Variants in FBXL18 observed in about 807,000 individuals in gnomAD.
FBXL18 encodes F-box and leucine rich repeat protein 18.
A neutral mutation model predicts 46.0 loss-of-function variants in FBXL18; 36 were observed. The observed-to-expected ratio is 0.78, with a 90% CI of 0.60 to 1.03. FBXL18 has a LOEUF of 1.03. FBXL18 is among the 50% of genes least tolerant of loss of function. The pLI is 0.00. For missense variants in FBXL18, 977 were observed against 1,004.1 expected, an observed-to-expected ratio of 0.97 and a Z score of 0.36; for synonymous variants, 557 against 465.3, an observed-to-expected ratio of 1.20 and a Z score of -2.54.
chr7:5,500,960 CG>C lies in FBXL18; in HGVS notation c.1308del (p.Ala437ProfsTer43). ...GGCACTGCGTGCATGGCCGGCTGGG[CG>C]GGCGCGCGGTCGGCGCGCGGCGCGG... ...ADSAPRADRA[P>X]AQPAMHAVPR... is the part of the protein sequence containing the mutation. On this transcript the variant is annotated frameshift_variant, in exon 3 of 5. Transcript: ENST00000382368. LOFTEE classifies it high-confidence loss of function. 1 of 1,533,342 alleles carries C rather than the reference CG, an allele frequency of 6.5e-7. No homozygotes were observed. The highest frequency in any genetic ancestry group is 2.3e-5 in the East Asian group (1 of 43,688). The allele number at this position is 1,533,342 out of a possible 1,614,324, so 95.0% of individuals were successfully genotyped here.
At position 5,505,505 on chromosome 7, in the gene FBXL18, C is replaced by G; in HGVS notation, c.144G>C (p.Leu48=). Reference sequence around the variant, plus strand: ...GACAGGTACGCCGGACGTTCAGAATCAGATCTGTGCTGGGGACGTGACTCA... The same window carrying G: ...GACAGGTACGCCGGACGTTCAGAATGAGATCTGTGCTGGGGACGTGACTCA... ...HILSHVPSTD[L]ILNVRRTCRK... Residue 48 remains leucine, a synonymous_variant, in exon 2 of 5, where the codon CTG becomes CTC. Transcript: ENST00000382368. 1 of 1,614,178 alleles carries G rather than the reference C, an allele frequency of 6.2e-7. No individual in the cohort carries two copies. The highest frequency in any genetic ancestry group is 8.5e-7 in the Non-Finnish European group (1 of 1,180,046).
rs6463483 is a variant in FBXL18 at position 5,491,212 on chromosome 7, C to T, written c.2000+19G>A. 8,756 of 1,597,832 alleles carry T rather than the reference C, an allele frequency of 5.5e-3. 450 individuals carry two copies. In the African/African-American group the frequency reaches 0.1, roughly 19 times the overall value. ...GATTTCTGCGGCCCCTGAAGCTGTA[C>T]GCAACCCACATCACTCACCTGCGGA... On this transcript the variant is annotated intron_variant, in intron 4 of 4. Transcript: ENST00000382368.
intron 4 of FBXL18, 51 bp from the exon 5 acceptor site, chr7:5,481,982 G>A (rs1783659894): frequency 6.5e-7 from 1 of 1,547,948 alleles, no homozygotes; most frequent in Non-Finnish European, 8.7e-7. Flanking sequence ...CACGGAGGGG[G>A]CGGAGCCTGC....
chr7:5,496,109 C>T lies in FBXL18; in HGVS notation c.1781+4379G>A, dbSNP rs574952800. Among the ~76,000 whole-genome samples, 32 of 152,304 alleles carry T rather than the reference C, an allele frequency of 2.1e-4. No individual in the cohort carries two copies. Among genetic ancestry groups the T allele is most frequent in the Middle Eastern group, 6.8e-3 (2 of 294 alleles). On this transcript the variant is annotated intron_variant, in intron 3 of 4. Transcript: ENST00000382368. The surrounding 1 kb of genome is among the most constrained non-coding windows in gnomAD (Gnocchi z 4.8). ...GGGGACCATGAAATCACGCTGACCT[C>T]GGGAGGCCGGAGACAAGCAGCCATG...
At chr7:5,485,716 T>C (rs1196228877) in intron 4 of FBXL18, among the ~76,000 whole-genome samples, 1 of 152,064 alleles carries the variant, frequency 6.6e-6, no homozygotes, top group Non-Finnish European at 1.5e-5. Context: ...GAGACCAGCC[T>C]GACCAACATG....
rs1236472261 is a variant in FBXL18, at chr7:5,477,716, A to AG, written c.*4058_*4059insC. On this transcript the variant is annotated 3_prime_UTR_variant, in exon 5 of 5. Coordinates refer to ENST00000382368, the MANE Select transcript of FBXL18 (RefSeq NM_024963.6). The surrounding 1 kb of genome is among the most constrained non-coding windows in gnomAD (Gnocchi z 4.4). ...GCAAGACTCCCTCTCAAAAAAAAAA[A>AG]AAAGGCTCTGTAATTTTCAGATCCT... 1 of 152,238 alleles carries AG rather than the reference A, an allele frequency of 6.6e-6. No individual in the cohort carries two copies. The highest frequency in any genetic ancestry group is 1.5e-5 in the Non-Finnish European group (1 of 68,074). 9.4% of individuals were successfully genotyped at this position (152,238 alleles called of 1,614,324 possible). A position where few individuals can be genotyped will look rare whatever the true frequency, so the allele number is the denominator to read the frequency against.
chr7:5,489,975 A>G, intron 4 of FBXL18: 1 of 1,280,648 alleles, frequency 7.8e-7, no homozygotes, highest in Non-Finnish European at 1.0e-6. Context: ...AGATTGATGC[A>G]TAGTCTAAAT....
At chr7:5,468,479 G>T (rs1370625045) in intron 4 of FBXL18, among the ~76,000 whole-genome samples, 2 of 152,188 alleles carry the variant, frequency 1.3e-5, no homozygotes, top group South Asian at 2.1e-4. Flanking sequence ...AAATATTAAC[G>T]GATGCACTGC....
rs1223935647 is a variant in FBXL18 at position 5,501,099 on chromosome 7, G to C, written c.1170C>G (p.Leu390=). Residue 390 remains leucine (L), a synonymous_variant, in exon 3 of 5, where the codon CTC becomes CTG. Coordinates refer to ENST00000382368, the MANE Select transcript of FBXL18 (RefSeq NM_024963.6). ...CCGAGCTGTGGTGGTGGGCGGCCGA[G>C]AGGTTCAGGTGGCGCAGGTTGCAGC... ...ASCCNLRHLN[L]SAAHHHSSEG... is the part of the protein sequence containing the mutation. 6.2e-7 allele frequency: 1 copy of C among 1,612,738 alleles called. No individual in the cohort carries two copies. The highest frequency in any genetic ancestry group is 1.7e-5 in the Admixed American group (1 of 60,010).
chr7:5,465,272 C>T (rs1783325696), intron 4 of FBXL18, among the ~76,000 whole-genome samples: 1 of 151,978 alleles, frequency 6.6e-6, no homozygotes, highest in Admixed American at 6.6e-5. Context: ...ATGATCTCAG[C>T]TTACTGCAAC....
In FBXL18 at chr7:5,501,880, T is replaced by C. The variant is rs754131099; in HGVS notation, c.389A>G (p.His130Arg). The C allele has an allele frequency of 2.5e-6, 4 of 1,602,586 alleles. No homozygotes were observed. Among genetic ancestry groups the C allele is most frequent in the Non-Finnish European group, 8.5e-7 (1 of 1,175,814 alleles). ...SLVKVNLSGC[H>R]LTSLRLSKML... ...CTTGGAGAGGCGCAGGGAAGTGAGG[T>C]GGCAGCCCGAGAGGTTCACCTTCAC... is the stretch of plus-strand genomic sequence containing the variant. Residue 130 changes from histidine (H) to arginine (R), a missense_variant, in exon 3 of 5, where the codon CAC becomes CGC. Transcript: ENST00000382368.
intron 4 of FBXL18, among the ~76,000 whole-genome samples, chr7:5,487,294 C>T (rs762255157): frequency 8.5e-5 from 13 of 152,252 alleles, no homozygotes; most frequent in Non-Finnish European, 1.5e-4. Context: ...TGTCCGTGGA[C>T]GGGGCCTCTC....
chr7:5,464,687 T>TAAAAAAA (rs1783316524), intron 4 of FBXL18, among the ~76,000 whole-genome samples: 1 of 35,444 alleles, frequency 2.8e-5, no homozygotes, highest in Admixed American at 3.5e-4. Flanking sequence ...AAAAAAACAC[T>TAAAAAAA]AAGATGGTTA....
At chr7:5,485,144 G>GA (rs1286539226) in intron 4 of FBXL18, among the ~76,000 whole-genome samples, 5 of 152,252 alleles carry the variant, frequency 3.3e-5, no homozygotes, top group African/African-American at 1.2e-4. Flanking sequence ...CACACACCCT[G>GA]AGGGGGTCAC....
At chr7:5,472,969 G>A (rs1157643294), downstream of FBXL18, among the ~76,000 whole-genome samples, 1 of 152,084 alleles carries the variant, frequency 6.6e-6, no homozygotes, top group African/African-American at 2.4e-5. Context: ...TCTGAAGGAA[G>A]GGCTCCTGGG....
At chr7:5,499,998 G>A (rs1461446818) in intron 3 of FBXL18, among the ~76,000 whole-genome samples, 1 of 151,850 alleles carries the variant, frequency 6.6e-6, no homozygotes, top group Non-Finnish European at 1.5e-5. Flanking sequence ...CCAGGAGATT[G>A]AGGATGAAGT....
At chr7:5,470,607 A>T (rs974914642) in intron 4 of FBXL18, among the ~76,000 whole-genome samples, 1 of 152,146 alleles carries the variant, frequency 6.6e-6, no homozygotes, top group African/African-American at 2.4e-5. Context: ...GGCAGACACA[A>T]GACACAACAC....
At chr7:5,461,463 T>G (rs1783245409) in intron 4 of FBXL18, among the ~76,000 whole-genome samples, 1 of 152,190 alleles carries the variant, frequency 6.6e-6, no homozygotes, top group Non-Finnish European at 1.5e-5. Flanking sequence ...TGCACCAACC[T>G]AATTACAAGA....
intron 3 of FBXL18, among the ~76,000 whole-genome samples, chr7:5,498,214 A>G (rs1784135642): frequency 6.6e-6 from 1 of 151,382 alleles, no homozygotes. Flanking sequence ...CAGCCTCCTA[A>G]GCAGCTGGGA....
Sources: gnomAD v4.1 joint callset for allele counts (sites outside exome capture counted in the v4.1 genomes callset) on GRCh38, gnomAD v4.1.1 for gene constraint, Gnocchi (gnomAD v3.1) non-coding constraint, MANE v1.5 for transcripts, NCBI Gene and HGNC (gene_info 2026-07-23, HGNC 2026-07-21) for gene names.